Variants in RIC3 observed in about 807,000 individuals in gnomAD.
RIC3 encodes the protein protein RIC-3.
Under a neutral mutation model 27.3 loss-of-function variants are expected in RIC3, and 28 were observed. The ratio of observed to expected loss-of-function variants is 1.02; its 90% CI spans 0.76 to 1.41. RIC3 has a LOEUF of 1.41. RIC3 is among the 40% of genes most tolerant of loss of function. RIC3 has a pLI of 0.00. For synonymous variants in RIC3, 184 were observed against 160.4 expected (o/e 1.15, Z -1.11); for missense variants, 501 against 444.7 (o/e 1.13, Z -1.14).
At chr11:8,128,326 T>G in intron 4 of RIC3, 1 of 455,340 alleles carries the variant, frequency 2.2e-6, no homozygotes, top group Non-Finnish European at 4.4e-6. Flanking sequence ...TTCTGTTTCC[T>G]AAGTCATGGG....
chr11:8,100,624 C>T, the RIC3 span: 12 of 1,604,650 alleles, frequency 7.5e-6, no homozygotes, highest in East Asian at 8.9e-5. Flanking sequence ...CCCTTCCTCC[C>T]CTCTTTCCCC....
chr11:8,135,145 G>C (rs1948236303), intron 4 of RIC3, among the ~76,000 whole-genome samples: 1 of 152,126 alleles, frequency 6.6e-6, no homozygotes, highest in African/African-American at 2.4e-5. Context: ...AAACCATCTT[G>C]AATTAATTTT....
chr11:8,162,201 G>C (rs1490799462), intron 1 of RIC3, among the ~76,000 whole-genome samples: 1 of 152,250 alleles, frequency 6.6e-6, no homozygotes, highest in African/African-American at 2.4e-5. Context: ...TGTGACAACT[G>C]TGAGTCTCTG....
the RIC3 span, chr11:8,101,029 CGTA>C: frequency 1.2e-6 from 2 of 1,612,630 alleles, no homozygotes; most frequent in South Asian, 2.2e-5. Flanking sequence ...CATTATGGTC[CGTA>C]GGATACCCAA....
At chr11:8,120,858 A>G (rs1158389295) in intron 5 of RIC3, among the ~76,000 whole-genome samples, 2 of 152,148 alleles carry the variant, frequency 1.3e-5, no homozygotes, top group Admixed American at 1.3e-4. Flanking sequence ...GAATGAAGCA[A>G]TATTTTCAAA....
At chr11:8,117,337 T>C (rs910438482) in intron 5 of RIC3, among the ~76,000 whole-genome samples, 4 of 152,212 alleles carry the variant, frequency 2.6e-5, no homozygotes, top group African/African-American at 9.6e-5. Context: ...AGTGTTGGGA[T>C]TACAGGCGTG....
intron 5 of RIC3, among the ~76,000 whole-genome samples, chr11:8,126,155 T>C (rs747995240): frequency 6.6e-6 from 1 of 152,216 alleles, no homozygotes; most frequent in Non-Finnish European, 1.5e-5. Flanking sequence ...CAAAAGTTCA[T>C]AGCTGCTTGA....
chr11:8,101,877 C>A, downstream of RIC3: 2 of 522,346 alleles, frequency 3.8e-6, no homozygotes, highest in South Asian at 4.8e-5. Flanking sequence ...AACACACACT[C>A]CCACCCTTGG....
At chr11:8,121,236 T>C (rs978512386) in intron 5 of RIC3, among the ~76,000 whole-genome samples, 1 of 152,070 alleles carries the variant, frequency 6.6e-6, no homozygotes, top group Non-Finnish European at 1.5e-5. Flanking sequence ...ACCTAAAAGG[T>C]AGGTAGAGGG....
chr11:8,095,759 A>AC, the RIC3 span: 1 of 1,354,868 alleles, frequency 7.4e-7, no homozygotes, highest in South Asian at 1.4e-5. Context: ...CTGTGTCCAA[A>AC]CCCCTCCCTG....
rs1028606631 is a variant in RIC3, at chr11:8,109,411, T to A, written c.*1287A>T. ...CATGATGTAATTCATGGGTGCTATC[T>A]TGTCTCAAGAAGACACACGTCAGAT... On this transcript the variant is annotated 3_prime_UTR_variant, in exon 6 of 6. Transcript: ENST00000309737. 13 of 152,136 alleles carry A rather than the reference T, an allele frequency of 8.5e-5. No homozygotes were observed. Among genetic ancestry groups the A allele is most frequent in the African/African-American group, 3.1e-4 (13 of 41,434 alleles). 9.4% of individuals were successfully genotyped at this position (152,136 alleles called of 1,614,324 possible). A position where few individuals can be genotyped will look rare whatever the true frequency, so the allele number is the denominator to read the frequency against.
At chr11:8,101,811 A>C, downstream of RIC3, 1 of 910,552 alleles carries the variant, frequency 1.1e-6, no homozygotes, top group Non-Finnish European at 1.6e-6. Context: ...GGAGTAGTGG[A>C]GAGCGGGTGG....
At chr11:8,153,052 G>A (rs1950375858) in intron 1 of RIC3, among the ~76,000 whole-genome samples, 1 of 152,074 alleles carries the variant, frequency 6.6e-6, no homozygotes, top group African/African-American at 2.4e-5. Flanking sequence ...TAATTGATAA[G>A]GAAACCTGTA....
intron 1 of RIC3, among the ~76,000 whole-genome samples, chr11:8,167,559 A>T (rs1042913695): frequency 6.6e-6 from 1 of 151,872 alleles, no homozygotes; most frequent in South Asian, 2.1e-4. Context: ...TCTCCACTCT[A>T]CATTTTCTAC....
chr11:8,147,969 C>G (rs1949874137), intron 1 of RIC3, among the ~76,000 whole-genome samples: 1 of 152,086 alleles, frequency 6.6e-6, no homozygotes, highest in Non-Finnish European at 1.5e-5. Flanking sequence ...TCATGATCTG[C>G]CCCCCTTGGT....
At chr11:8,130,539 A>G (rs2133720651) in intron 4 of RIC3, among the ~76,000 whole-genome samples, 1 of 152,288 alleles carries the variant, frequency 6.6e-6, no homozygotes, top group South Asian at 2.1e-4. Flanking sequence ...GCTGTCTGCA[A>G]CCAAGGAACC....
intron 5 of RIC3, 82 bp downstream of exon 5, chr11:8,126,576 AT>A (rs1947014415): frequency 6.6e-7 from 1 of 1,519,116 alleles, no homozygotes; most frequent in East Asian, 2.3e-5. Flanking sequence ...TTATACCTCA[AT>A]AATGAAGCTG....
chr11:8,111,912 G>C (rs78426357), intron 5 of RIC3, among the ~76,000 whole-genome samples: 1 of 152,228 alleles, frequency 6.6e-6, no homozygotes, highest in African/African-American at 2.4e-5. Flanking sequence ...GATGGGCCGT[G>C]CTGGAGCTCA....
At chr11:8,100,213 A>G in the RIC3 span, among the ~76,000 whole-genome samples, 3 of 152,152 alleles carry the variant, frequency 2.0e-5, no homozygotes, top group Admixed American at 6.5e-5. Context: ...GATGGATTAG[A>G]CGTAGGATGT....
Sources: allele counts gnomAD v4.1 joint callset (sites outside exome capture counted in the v4.1 genomes callset), GRCh38; gene constraint gnomAD v4.1.1; transcripts MANE v1.5; gene names NCBI Gene and HGNC (gene_info 2026-07-23, HGNC 2026-07-21).